Variants in LRRC4C observed in about 807,000 individuals in gnomAD.
The protein encoded by LRRC4C is leucine rich repeat containing 4C, also known as leucine-rich repeat-containing protein 4C.
In LRRC4C, 5 loss-of-function variants were observed where a neutral mutation model predicts 33.6. The ratio of observed to expected loss-of-function variants is 0.15; its 90% CI spans 0.08 to 0.31. The LOEUF is 0.31. Among genes scored for constraint, LRRC4C ranks in the 10% least tolerant of loss-of-function variants. The pLI is 1.00. For missense variants in LRRC4C, 560 were observed against 796.7 expected, an observed-to-expected ratio of 0.70 and a Z score of 3.58; for synonymous variants, 329 against 302.0, an observed-to-expected ratio of 1.09 and a Z score of -0.93.
chr11:40,860,700 C>A (rs550528867), intron 2 of LRRC4C, among the ~76,000 whole-genome samples: 2 of 151,296 alleles, frequency 1.3e-5, no homozygotes, highest in Non-Finnish European at 1.5e-5. Flanking sequence ...TCCAGGATAA[C>A]CTCATTTCAA....
At position 41,333,041 on chromosome 11, in the gene LRRC4C, C is replaced by T. The variant is rs947626083; in HGVS notation, c.-496+126390G>A. ...ATTATGTTCATTTAAAAAAACAATG[C>T]AGATGTCTTATTCTGTTTTTGAAGG... On this transcript the variant is annotated intron_variant, in intron 1 of 6. Transcript: ENST00000528697. Among the ~76,000 whole-genome samples, 3 of 152,220 alleles carry T rather than the reference C, an allele frequency of 2.0e-5. No homozygotes were observed. In the East Asian group the frequency reaches 5.8e-4, roughly 29 times the overall value.
intron 1 of LRRC4C, among the ~76,000 whole-genome samples, chr11:41,138,125 A>G (rs1943345485): frequency 1.3e-5 from 2 of 152,246 alleles, no homozygotes; most frequent in South Asian, 4.1e-4. Context: ...TGTGAGTTGA[A>G]AGAACTACTA....
Position 41,338,040 on chromosome 11 carries a change from T to C in LRRC4C, c.-496+121391A>G, listed in dbSNP as rs186012455. On this transcript the variant is annotated intron_variant, in intron 1 of 6. Transcript: ENST00000528697. ...TATTAAAACATGAAGAAACAACAGA[T>C]GCTGTTGAGGCTGTGGAGAAATGGG... Among the ~76,000 whole-genome samples, 8 of 152,310 alleles carry C rather than the reference T, an allele frequency of 5.3e-5. 1 individual carries two copies. The East Asian group carries it at 1.5e-3, about 29-fold the overall frequency.
At chr11:40,643,026 T>C (rs7940329) in intron 3 of LRRC4C, among the ~76,000 whole-genome samples, 25,271 of 152,082 alleles carry the variant, frequency 0.17, 2,506 homozygotes, top group Admixed American at 0.26. Flanking sequence ...AAGAGGATCT[T>C]GAAAAGTAGA....
intron 3 of LRRC4C, among the ~76,000 whole-genome samples, chr11:40,463,087 G>A (rs1952480581): frequency 6.6e-6 from 1 of 152,096 alleles, no homozygotes; most frequent in African/African-American, 2.4e-5. Context: ...CTATGGTCAA[G>A]GGGATGGGAG....
chr11:41,175,873 T>C (rs187582883), intron 1 of LRRC4C, among the ~76,000 whole-genome samples: 1 of 152,312 alleles, frequency 6.6e-6, no homozygotes, highest in East Asian at 1.9e-4. Flanking sequence ...CTACATGTTC[T>C]CTTTCTGACT....
chr11:41,197,211 C>T (rs1946215237), intron 1 of LRRC4C, among the ~76,000 whole-genome samples: 1 of 151,984 alleles, frequency 6.6e-6, no homozygotes, highest in Non-Finnish European at 1.5e-5. Flanking sequence ...TCTATACCCA[C>T]AAGCATTCTT....
intron 5 of LRRC4C, among the ~76,000 whole-genome samples, chr11:40,215,388 T>C (rs989823324): frequency 6.6e-6 from 1 of 152,164 alleles, no homozygotes; most frequent in African/African-American, 2.4e-5. Flanking sequence ...TGAATATCCA[T>C]CTTTCTCTAC....
At chr11:40,138,023 GA>G (rs2134923507) in intron 6 of LRRC4C, among the ~76,000 whole-genome samples, 1 of 152,274 alleles carries the variant, frequency 6.6e-6, no homozygotes, top group East Asian at 1.9e-4. Context: ...ACAACCCCAT[GA>G]AGAACATTAG....
At chr11:40,692,476 G>T (rs1945263107) in intron 2 of LRRC4C, among the ~76,000 whole-genome samples, 1 of 151,976 alleles carries the variant, frequency 6.6e-6, no homozygotes, top group Admixed American at 6.6e-5. Flanking sequence ...ACAGTTCAAA[G>T]AACTTAAAAT....
At chr11:40,193,925 C>A (rs1475862450) in intron 5 of LRRC4C, among the ~76,000 whole-genome samples, 1 of 152,070 alleles carries the variant, frequency 6.6e-6, no homozygotes, top group Non-Finnish European at 1.5e-5. Flanking sequence ...TGCAAAGGAA[C>A]AAACAAAGCC....
At chr11:41,038,930 G>C (rs1339998043) in intron 1 of LRRC4C, among the ~76,000 whole-genome samples, 1 of 152,116 alleles carries the variant, frequency 6.6e-6, no homozygotes, top group Non-Finnish European at 1.5e-5. Context: ...AGAAGCTTTA[G>C]TTTAATTAGA....
chr11:41,448,123 T>C (rs112516966), intron 1 of LRRC4C, among the ~76,000 whole-genome samples: 1 of 73,954 alleles, frequency 1.4e-5, no homozygotes, highest in African/African-American at 1.0e-4. Flanking sequence ...CACACGTCTG[T>C]TTTTTTTTTT....
chr11:41,265,902 CT>C (rs1949135946), intron 1 of LRRC4C, among the ~76,000 whole-genome samples: 1 of 151,262 alleles, frequency 6.6e-6, no homozygotes, highest in African/African-American at 2.4e-5. Context: ...TAATTACATT[CT>C]TTAATAGTCA....
chr11:41,140,032 C>T (rs1240522557), intron 1 of LRRC4C, among the ~76,000 whole-genome samples: 1 of 152,092 alleles, frequency 6.6e-6, no homozygotes, highest in Admixed American at 6.6e-5. Context: ...AAAATAGTCC[C>T]GGTTTCAAAA....
At chr11:40,905,701 G>C (rs575737399) in intron 2 of LRRC4C, among the ~76,000 whole-genome samples, 1 of 152,200 alleles carries the variant, frequency 6.6e-6, no homozygotes, top group Admixed American at 6.5e-5. Context: ...TTTCCCAGGT[G>C]GGGGCAGTGG....
rs891113623 is a variant in LRRC4C at position 40,689,098 on chromosome 11, T to C, written c.-406-40820A>G. Among the ~76,000 whole-genome samples, 190 of 152,126 alleles carry C rather than the reference T, an allele frequency of 1.2e-3. 4 individuals are homozygous for C. The highest frequency in any genetic ancestry group is 4.3e-4 in the Non-Finnish European group (29 of 68,020). Reference sequence around the variant, plus strand: ...CCCTAGATAAGAAACGACAGTGCTATGGACTGTAGTAGAGATTACAATATC... The same window carrying C: ...CCCTAGATAAGAAACGACAGTGCTACGGACTGTAGTAGAGATTACAATATC... On this transcript the variant is annotated intron_variant, in intron 2 of 6. Coordinates refer to ENST00000528697, the MANE Select transcript of LRRC4C (RefSeq NM_001258419.2).
intron 5 of LRRC4C, among the ~76,000 whole-genome samples, chr11:40,236,033 T>C (rs2136050672): frequency 6.6e-6 from 1 of 151,638 alleles, no homozygotes; most frequent in Admixed American, 6.6e-5. Context: ...GCTACCAGGG[T>C]GCGCAGCTTC....
At chr11:40,702,669 C>T (rs915350091) in intron 2 of LRRC4C, among the ~76,000 whole-genome samples, 1 of 152,040 alleles carries the variant, frequency 6.6e-6, no homozygotes, top group Non-Finnish European at 1.5e-5. Context: ...ACATGGTTTT[C>T]TTCAATTACC....
Sources: allele counts gnomAD v4.1 joint callset (sites outside exome capture counted in the v4.1 genomes callset), GRCh38; gene constraint gnomAD v4.1.1; transcripts MANE v1.5; gene names NCBI Gene and HGNC (gene_info 2026-07-23, HGNC 2026-07-21).